Variants in GMPS observed in about 807,000 individuals in gnomAD.
The protein encoded by GMPS is GMP synthase [glutamine-hydrolyzing].
Under a neutral mutation model 77.9 loss-of-function variants are expected in GMPS, and 15 were observed. The ratio of observed to expected loss-of-function variants is 0.19; its 90% confidence interval spans 0.13 to 0.30. The LOEUF (loss-of-function observed/expected upper bound fraction) is 0.30. Among genes scored for constraint, GMPS ranks in the 10% least tolerant of loss-of-function variants. The pLI, the probability that GMPS is intolerant of heterozygous loss-of-function variation, is 1.00. For missense variants in GMPS, 590 were observed against 838.8 expected (o/e 0.70, Z 3.66); for synonymous variants, 224 against 275.9 (o/e 0.81, Z 1.86).
intron 1 of GMPS, among the ~76,000 whole-genome samples, chr3:155,879,530 G>A (rs1289272518): frequency 6.6e-6 from 1 of 151,950 alleles, no homozygotes; most frequent in African/African-American, 2.4e-5. Context: ...GCCTCTCAAA[G>A]TGCTGGGATT....
intron 2 of GMPS, among the ~76,000 whole-genome samples, chr3:155,896,751 T>TTTA (rs369655100): frequency 0.017 from 2,151 of 125,684 alleles, 34 homozygotes; most frequent in Middle Eastern, 0.058. Flanking sequence ...TTTTTTTTTT[T>TTTA]TATAAATTTG....
At chr3:155,899,160 G>T (rs1754671717) in intron 3 of GMPS, among the ~76,000 whole-genome samples, 1 of 152,130 alleles carries the variant, frequency 6.6e-6, no homozygotes, top group African/African-American at 2.4e-5. Flanking sequence ...CTGAGGTCGG[G>T]AGTTCGAGAC....
At chr3:155,905,728 CTTACAG>C (rs1328604645) in intron 4 of GMPS, among the ~76,000 whole-genome samples, 1 of 152,136 alleles carries the variant, frequency 6.6e-6, no homozygotes, top group East Asian at 1.9e-4. Flanking sequence ...CTATATTGTA[CTTACAG>C]TTACAGGATA....
intron 1 of GMPS, among the ~76,000 whole-genome samples, 191 bp downstream of exon 1, chr3:155,871,088 C>G (rs1203910447): frequency 6.6e-6 from 1 of 152,076 alleles, no homozygotes. Flanking sequence ...AGCGGCGATG[C>G]TTTGTTGATC....
chr3:155,925,271 T>A lies in GMPS; in HGVS notation c.1465T>A (p.Cys489Ser), dbSNP rs1250524562. 3.7e-6 allele frequency: 6 copies of A among 1,613,110 alleles called. No individual in the cohort carries two copies. Among genetic ancestry groups the A allele is most frequent in the Non-Finnish European group, 5.1e-6 (6 of 1,179,224 alleles). ...TACCCTATTACAGAGAGTCAAAGCCTGCACAACAGAAGAGGATCAGGAGAA... is the reference window on the plus strand; with the variant it reads ...TACCCTATTACAGAGAGTCAAAGCCAGCACAACAGAAGAGGATCAGGAGAA... ...PHTLLQRVKA[C>S]TTEEDQEKLM... Residue 489 changes from cysteine (C) to serine (S), a missense_variant, in exon 12 of 16, where the codon TGC becomes AGC. This residue lies in a region of GMPS where 89 missense variants were observed against 95.9 expected (regional missense o/e 0.93). Transcript: ENST00000496455.
chr3:155,891,986 G>T (rs1383634215), intron 1 of GMPS, among the ~76,000 whole-genome samples: 1 of 152,080 alleles, frequency 6.6e-6, no homozygotes, highest in Non-Finnish European at 1.5e-5. Context: ...AATGGAGAAG[G>T]GAGGAATGGT....
Position 155,943,991 on chromosome 3 carries a change from C to T in GMPS, c.*6299C>T, listed in dbSNP as rs1052767584. 4 of 152,138 alleles carry T rather than the reference C, an allele frequency of 2.6e-5. No homozygotes were observed. The highest frequency in any genetic ancestry group is 7.2e-5 in the African/African-American group (3 of 41,442). 9.4% of individuals were successfully genotyped at this position (152,138 alleles called of 1,614,324 possible). The stretch of plus-strand genomic sequence containing the variant: ...CTAAAGGTGTGCGTATACACATGCA[C>T]TTATAAAATTAAAGTCATATATGTA... On this transcript the variant is annotated 3_prime_UTR_variant, in exon 16 of 16. Transcript: ENST00000496455.
Position 155,911,165 on chromosome 3 carries a change from C to T in GMPS, c.772C>T (p.Arg258Cys), listed in dbSNP as rs1356456433. 6 of 1,612,520 alleles carry T rather than the reference C, an allele frequency of 3.7e-6. No individual in the cohort carries two copies. The highest frequency in any genetic ancestry group is 1.3e-5 in the African/African-American group (1 of 74,910). The change falls in exon 7 of 16, where the codon CGT becomes TGT. Residue 258 changes from arginine to cysteine, a missense_variant. By Grantham distance (180) the Arg-to-Cys change is radical. Coordinates refer to ENST00000496455, the MANE Select transcript of GMPS (RefSeq NM_003875.3). ...DSTVCTALLN[R>C]ALNQEQVIAV... ...AACAGTTTGTACAGCTTTGCTAAATCGTGCTTTGAACCAAGAACAAGTCAT... is the reference window on the plus strand; with the variant it reads ...AACAGTTTGTACAGCTTTGCTAAATTGTGCTTTGAACCAAGAACAAGTCAT...
chr3:155,899,734 A>G, intron 3 of GMPS, among the ~76,000 whole-genome samples: 1 of 152,196 alleles, frequency 6.6e-6, no homozygotes, highest in Non-Finnish European at 1.5e-5. Context: ...TCGACTGCCC[A>G]ATCCTTTGTG....
intron 1 of GMPS, among the ~76,000 whole-genome samples, chr3:155,881,629 C>T (rs763190943): frequency 6.6e-6 from 1 of 152,174 alleles, no homozygotes; most frequent in Non-Finnish European, 1.5e-5. Flanking sequence ...GGCATACAAA[C>T]ATAAGCACTT....
At chr3:155,918,150 T>C (rs1755232001) in intron 9 of GMPS, among the ~76,000 whole-genome samples, 1 of 152,100 alleles carries the variant, frequency 6.6e-6, no homozygotes, top group South Asian at 2.1e-4. Flanking sequence ...ATCTGACTTT[T>C]AAAAATTTTA....
intron 1 of GMPS, among the ~76,000 whole-genome samples, chr3:155,877,228 A>T (rs912719608): frequency 6.6e-6 from 1 of 152,188 alleles, no homozygotes; most frequent in African/African-American, 2.4e-5. Flanking sequence ...TAGATATATC[A>T]TTATTTTGAT....
At chr3:155,876,006 CAAAAT>C (rs1754042534) in intron 1 of GMPS, among the ~76,000 whole-genome samples, 1 of 151,754 alleles carries the variant, frequency 6.6e-6, no homozygotes, top group Non-Finnish European at 1.5e-5. Flanking sequence ...ATAATTGCTG[CAAAAT>C]AAAATATTAC....
At chr3:155,899,410 T>C (rs773890264) in intron 3 of GMPS, among the ~76,000 whole-genome samples, 5 of 149,052 alleles carry the variant, frequency 3.4e-5, no homozygotes, top group Non-Finnish European at 7.4e-5. Flanking sequence ...ACTGAGATCT[T>C]GAGATAAGAT....
chr3:155,872,342 A>G (rs1294943652), intron 1 of GMPS, among the ~76,000 whole-genome samples: 1 of 152,114 alleles, frequency 6.6e-6, no homozygotes, highest in Admixed American at 6.6e-5. Flanking sequence ...AGACACACAA[A>G]CCTTTAGTTT....
In GMPS at chr3:155,906,343, T is replaced by G. The variant is rs548529071; in HGVS notation, c.526+80T>G. ...AAGCATATGCTTCTGTATGAGGTAC[T>G]CTTTGATTTTTCCTTTTTCTTCTGA... On this transcript the variant is annotated intron_variant, in intron 5 of 15. Transcript: ENST00000496455. 3.9e-5 allele frequency: 27 copies of G among 698,120 alleles called. No homozygotes were observed. The South Asian group carries it at 5.5e-4, about 14-fold the overall frequency. 43.2% of individuals were successfully genotyped at this position (698,120 alleles called of 1,614,324 possible).
intron 3 of GMPS, among the ~76,000 whole-genome samples, chr3:155,899,718 A>G (rs1754687568): frequency 6.6e-6 from 1 of 152,236 alleles, no homozygotes; most frequent in African/African-American, 2.4e-5. Context: ...GTAGTATTAT[A>G]CATTTTCGAC....
At chr3:155,931,639 C>A in intron 12 of GMPS, 126 bp from the exon 13 acceptor site, 1 of 501,210 alleles carries the variant, frequency 2.0e-6, no homozygotes, top group Non-Finnish European at 3.5e-6. Flanking sequence ...TTAATAATGT[C>A]ACCATGCATA....
chr3:155,887,177 G>A (rs1158960343), intron 1 of GMPS, among the ~76,000 whole-genome samples: 1 of 152,194 alleles, frequency 6.6e-6, no homozygotes, highest in East Asian at 1.9e-4. Flanking sequence ...CTAAAGAGTA[G>A]GCCAGGTTCT....
Sources: gnomAD v4.1 joint callset for allele counts (sites outside exome capture counted in the v4.1 genomes callset) on GRCh38, gnomAD v4.1.1 for gene constraint, gnomAD v4.1.1 regional missense constraint, MANE v1.5 for transcripts, NCBI Gene and HGNC (gene_info 2026-07-23, HGNC 2026-07-21) for gene names.